PIK3C2A: variants seen among roughly 807,000 people sequenced by gnomAD.
PIK3C2A encodes phosphatidylinositol 4-phosphate 3-kinase C2 domain-containing subunit alpha.
Under a neutral mutation model 204.5 loss-of-function variants are expected in PIK3C2A, and 97 were observed. The ratio of observed to expected loss-of-function variants is 0.47; its 90% confidence interval spans 0.40 to 0.56. The LOEUF is 0.56. Among genes scored for constraint, PIK3C2A ranks in the 20% least tolerant of loss-of-function variants. PIK3C2A has a pLI of 0.00. For synonymous variants in PIK3C2A, 653 were observed against 664.4 expected, an observed-to-expected ratio of 0.98 and a Z score of 0.26; for missense variants, 1,735 against 1,969.2, an observed-to-expected ratio of 0.88 and a Z score of 2.25.
intron 1 of PIK3C2A, among the ~76,000 whole-genome samples, chr11:17,206,145 A>C (rs1207889848): frequency 3.3e-5 from 5 of 152,182 alleles, no homozygotes; most frequent in African/African-American, 1.2e-4. Flanking sequence ...CCTGTGATGA[A>C]AACATTAAAA....
chr11:17,205,682 GAATTAATGCAAGCAATCTTC>G (rs1852546596), intron 1 of PIK3C2A, among the ~76,000 whole-genome samples: 1 of 152,058 alleles, frequency 6.6e-6, no homozygotes, highest in Non-Finnish European at 1.5e-5. Flanking sequence ...CTGGACATGG[GAATTAATGCAAGCAATCTTC>G]AATTAATTGA....
chr11:17,198,453 T>C (rs1852240124), intron 1 of PIK3C2A, among the ~76,000 whole-genome samples: 1 of 152,168 alleles, frequency 6.6e-6, no homozygotes, highest in Non-Finnish European at 1.5e-5. Context: ...TCCCTTTGTC[T>C]TTAGTTTTCT....
chr11:17,188,041 A>G (rs1851813897), intron 1 of PIK3C2A, among the ~76,000 whole-genome samples: 1 of 152,160 alleles, frequency 6.6e-6, no homozygotes, highest in Non-Finnish European at 1.5e-5. Context: ...AAAGATGATA[A>G]ATACGGGGAT....
chr11:17,098,616 C>G (rs944408014), intron 26 of PIK3C2A, among the ~76,000 whole-genome samples: 86 of 152,160 alleles, frequency 5.7e-4, no homozygotes, highest in African/African-American at 2.0e-3. Context: ...TCTTAAAAAA[C>G]AAAGCAAAAG....
At chr11:17,101,795 G>C (rs1436992151) in intron 24 of PIK3C2A, among the ~76,000 whole-genome samples, 1 of 151,598 alleles carries the variant, frequency 6.6e-6, no homozygotes, top group African/African-American at 2.4e-5. Flanking sequence ...AGTAGAGGCG[G>C]GGTTTCACCG....
At chr11:17,174,216 G>A (rs976596010) in intron 1 of PIK3C2A, among the ~76,000 whole-genome samples, 1 of 152,138 alleles carries the variant, frequency 6.6e-6, no homozygotes, top group Non-Finnish European at 1.5e-5. Flanking sequence ...TATATGGTAG[G>A]AAAAATAAAT....
In PIK3C2A at chr11:17,117,511, C is replaced by T. The variant is rs1301784763; in HGVS notation, c.3196G>A (p.Ala1066Thr). 6.8e-6 allele frequency: 11 copies of T among 1,613,096 alleles called. No homozygotes were observed. The Admixed American group carries it at 1.8e-4, about 27-fold the overall frequency. The change falls in exon 19 of 33, where the codon GCT (alanine) becomes ACT (threonine). Residue 1066 changes from alanine (A) to threonine (T), a missense_variant. Transcript: ENST00000691414. The part of the protein sequence containing the change: ...LGGVAEKVRQ[A>T]SGSARQVVLQ... ...CATACCTGTCTGGCTGATCCACTAG[C>T]CTGCCTTACTTTTTCTGCTACTCCT...
rs539279320 is a variant in PIK3C2A at position 17,094,623 on chromosome 11, C to T, written c.4327-238G>A. ...CCTGTAATCCCAGCTACTTGGGAGG[C>T]TGAGGCAGGCAAATCACTTGAACCT... On this transcript the variant is annotated intron_variant, in intron 27 of 32. Transcript: ENST00000691414. 1.1e-4 allele frequency among the ~76,000 whole-genome samples: 17 copies of T among 152,188 alleles called. No individual in the cohort carries two copies. The South Asian group carries it at 2.9e-3, about 26-fold the overall frequency.
At position 17,136,730 on chromosome 11, in the gene PIK3C2A, C is replaced by A. The variant is rs1264377504; in HGVS notation, c.1705-105G>T. 14 of 575,830 alleles carry A rather than the reference C, an allele frequency of 2.4e-5. No individual in the cohort carries two copies. The Admixed American group carries it at 5.0e-4, about 21-fold the overall frequency. 35.7% of individuals were successfully genotyped at this position (575,830 alleles called of 1,614,324 possible). A position where few individuals can be genotyped will look rare whatever the true frequency, so the allele number is the denominator to read the frequency against. ...TATCTTAGATATCCCTAACAGATAT[C>A]CTCTACTCTTTTGTGATGACAAAGA... On this transcript the variant is annotated intron_variant, in intron 8 of 32. Coordinates refer to ENST00000691414, the MANE Select transcript of PIK3C2A (RefSeq NM_002645.4).
chr11:17,093,633 T>C (rs1000829886), intron 28 of PIK3C2A, among the ~76,000 whole-genome samples: 1 of 142,938 alleles, frequency 7.0e-6, no homozygotes, highest in Non-Finnish European at 1.5e-5. Flanking sequence ...TGATTTAGCA[T>C]ATGACTTTTT....
At chr11:17,123,494 A>C (rs1018497934) in intron 13 of PIK3C2A, among the ~76,000 whole-genome samples, 9 of 148,188 alleles carry the variant, frequency 6.1e-5, no homozygotes, top group African/African-American at 2.2e-4. Context: ...CCTGAGGCTC[A>C]TATGATCTGC....
chr11:17,091,485 A>C (rs1474711291), intron 31 of PIK3C2A, 26 bp from the exon 32 acceptor site: 1 of 1,610,408 alleles, frequency 6.2e-7, no homozygotes, highest in African/African-American at 1.3e-5. Flanking sequence ...GTCCCTTAAT[A>C]GTAATGCTTC....
chr11:17,187,080 A>T (rs997865805), intron 1 of PIK3C2A, among the ~76,000 whole-genome samples: 1 of 152,224 alleles, frequency 6.6e-6, no homozygotes. Flanking sequence ...TGGGCTCAAC[A>T]GAGCAATTTG....
At chr11:17,146,809 T>C (rs1014855361) in intron 6 of PIK3C2A, among the ~76,000 whole-genome samples, 1 of 151,672 alleles carries the variant, frequency 6.6e-6, no homozygotes, top group African/African-American at 2.4e-5. Flanking sequence ...TTTTATGAAA[T>C]AGTCTTTACC....
At chr11:17,199,786 G>A (rs1206391595) in intron 1 of PIK3C2A, among the ~76,000 whole-genome samples, 3 of 151,762 alleles carry the variant, frequency 2.0e-5, no homozygotes, top group South Asian at 2.1e-4. Context: ...TTAGCTGGGC[G>A]TGGTGGTACA....
Position 17,150,506 on chromosome 11 carries a change from G to C in PIK3C2A, c.1319C>G (p.Thr440Arg), listed in dbSNP as rs748302455. The C allele has an allele frequency of 1.1e-5, 18 of 1,602,890 alleles. No homozygotes were observed. ...IEGFQLPVTF[T>R]CDVSSTVEII... ...AGGAACCATAAACCTACCATCACACGTAAAAGTAACTGGTAGCTGAAATCC... is the reference window on the plus strand; with the variant it reads ...AGGAACCATAAACCTACCATCACACCTAAAAGTAACTGGTAGCTGAAATCC... The change falls in exon 4 of 33, where the codon ACG (threonine) becomes AGG (arginine). Residue 440 changes from threonine to arginine, a missense_variant. Thr to Arg is a moderately conservative substitution (Grantham distance 71). Coordinates refer to ENST00000691414, the MANE Select transcript of PIK3C2A (RefSeq NM_002645.4).
At chr11:17,180,500 A>AAACAAC (rs202239069) in intron 1 of PIK3C2A, among the ~76,000 whole-genome samples, 1 of 150,180 alleles carries the variant, frequency 6.7e-6, no homozygotes, top group African/African-American at 2.5e-5. Flanking sequence ...CTAGAAAACA[A>AAACAAC]AACAACAACA....
At chr11:17,183,279 A>G (rs578152158) in intron 1 of PIK3C2A, among the ~76,000 whole-genome samples, 85 of 152,368 alleles carry the variant, frequency 5.6e-4, no homozygotes, top group African/African-American at 1.9e-3. Flanking sequence ...AAAATTCCAG[A>G]TATCAACAAT....
intron 28 of PIK3C2A, among the ~76,000 whole-genome samples, chr11:17,093,316 G>A (rs866126453): frequency 2.0e-5 from 3 of 152,178 alleles, no homozygotes; most frequent in South Asian, 2.1e-4. Context: ...GCCCAGGCTG[G>A]AGTGCAGTGG....
Sources: gnomAD v4.1 joint callset for allele counts (sites outside exome capture counted in the v4.1 genomes callset) on GRCh38, gnomAD v4.1.1 for gene constraint, MANE v1.5 for transcripts, NCBI Gene and HGNC (gene_info 2026-07-23, HGNC 2026-07-21) for gene names.